The following RHOJ variants were observed in gnomAD, a reference collection of about 807,000 sequenced individuals.
The protein encoded by RHOJ is ras homolog family member J, also known as rho-related GTP-binding protein RhoJ.
RHOJ carries 11 observed loss-of-function variants against 23.4 expected under a neutral mutation model. The ratio of observed to expected loss-of-function variants is 0.47; its 90% CI spans 0.30 to 0.78. RHOJ has a LOEUF of 0.78. RHOJ is among the 30% of genes least tolerant of loss of function. RHOJ has a pLI of 0.08. For synonymous variants in RHOJ, 102 were observed against 102.7 expected (o/e 0.99, Z 0.04); for missense variants, 254 against 273.4 (o/e 0.93, Z 0.50).
chr14:63,226,251 A>G (rs1894592156), intron 1 of RHOJ, among the ~76,000 whole-genome samples: 1 of 152,126 alleles, frequency 6.6e-6, no homozygotes, highest in African/African-American at 2.4e-5. Flanking sequence ...TGACTGAGAA[A>G]AACATAATGA....
chr14:63,248,254 G>A (rs570565887), intron 1 of RHOJ, among the ~76,000 whole-genome samples: 2 of 152,172 alleles, frequency 1.3e-5, no homozygotes, highest in East Asian at 3.9e-4. Context: ...GCAAAATTTT[G>A]ATAATTTATG....
intron 1 of RHOJ, among the ~76,000 whole-genome samples, chr14:63,254,522 C>G (rs1895128589): frequency 1.3e-5 from 2 of 152,142 alleles, no homozygotes. Flanking sequence ...CGGTGCTGGG[C>G]CTTAGAGGCT....
At chr14:63,211,445 A>G (rs1002842164) in intron 1 of RHOJ, among the ~76,000 whole-genome samples, 2 of 152,210 alleles carry the variant, frequency 1.3e-5, no homozygotes, top group African/African-American at 4.8e-5. Context: ...AACCTGGGCA[A>G]CAGAGCAAGA....
chr14:63,236,058 GT>G (rs1894783688), intron 1 of RHOJ, among the ~76,000 whole-genome samples: 2 of 152,098 alleles, frequency 1.3e-5, no homozygotes, highest in Non-Finnish European at 2.9e-5. Context: ...TCATGAACAG[GT>G]TTTATTGTTT....
At chr14:63,282,095 T>C (rs1012563175) in intron 3 of RHOJ, among the ~76,000 whole-genome samples, 2 of 152,216 alleles carry the variant, frequency 1.3e-5, no homozygotes, top group Non-Finnish European at 2.9e-5. Flanking sequence ...GCTTCTGCTC[T>C]GAAAGATAAT....
intron 1 of RHOJ, among the ~76,000 whole-genome samples, chr14:63,225,654 A>T (rs927296853): frequency 6.6e-6 from 1 of 152,150 alleles, no homozygotes; most frequent in Non-Finnish European, 1.5e-5. Flanking sequence ...TAGGACACAG[A>T]CTCTAACGTA....
At chr14:63,261,282 A>T (rs1021775612) in intron 1 of RHOJ, among the ~76,000 whole-genome samples, 2 of 152,144 alleles carry the variant, frequency 1.3e-5, no homozygotes, top group Non-Finnish European at 2.9e-5. Flanking sequence ...TATCAAAGAT[A>T]TAATCTTCTT....
chr14:63,289,855 T>C (rs1882191965), intron 4 of RHOJ, among the ~76,000 whole-genome samples: 10 of 152,236 alleles, frequency 6.6e-5, no homozygotes. Context: ...TCTCTGGCAT[T>C]AAATGTCTTT....
At chr14:63,279,892 G>T (rs754404333) in intron 2 of RHOJ, among the ~76,000 whole-genome samples, 1 of 152,102 alleles carries the variant, frequency 6.6e-6, no homozygotes, top group Non-Finnish European at 1.5e-5. Flanking sequence ...GAGGATTCCT[G>T]TTGCCTTGGC....
chr14:63,285,727 C>T (rs2139667938), intron 4 of RHOJ, among the ~76,000 whole-genome samples: 1 of 152,254 alleles, frequency 6.6e-6, no homozygotes, highest in African/African-American at 2.4e-5. Context: ...ACATTTGTAA[C>T]TGCCCCTATT....
Position 63,228,143 on chromosome 14 carries a change from C to T in RHOJ, c.178+23096C>T, listed in dbSNP as rs551943417. On this transcript the variant is annotated intron_variant, in intron 1 of 4. Transcript: ENST00000316754. ...CACCCAGCACTGGAAGAATAACTTGCGGAGTTGATACAAGGTTTGATATGT... is the reference window on the plus strand; with the variant it reads ...CACCCAGCACTGGAAGAATAACTTGTGGAGTTGATACAAGGTTTGATATGT... Among the ~76,000 whole-genome samples the T allele has an allele frequency of 2.0e-4, 31 of 152,260 alleles. No homozygotes were observed. In the South Asian group the frequency reaches 2.5e-3, roughly 12 times the overall value.
chr14:63,259,435 T>C (rs915344162), intron 1 of RHOJ, among the ~76,000 whole-genome samples: 1 of 152,156 alleles, frequency 6.6e-6, no homozygotes, highest in African/African-American at 2.4e-5. Flanking sequence ...GCTTTGAAAC[T>C]CTCCTTAAGA....
chr14:63,271,488 T>C (rs1201364602), intron 2 of RHOJ, among the ~76,000 whole-genome samples: 1 of 152,256 alleles, frequency 6.6e-6, no homozygotes, highest in East Asian at 1.9e-4. Flanking sequence ...TGTGTCAGAA[T>C]CACCTGTAGG....
At chr14:63,264,068 A>G (rs1895322087) in intron 1 of RHOJ, among the ~76,000 whole-genome samples, 1 of 151,576 alleles carries the variant, frequency 6.6e-6, no homozygotes, top group African/African-American at 2.4e-5. Context: ...AATGACACTG[A>G]GGTTTGGGGT....
chr14:63,277,764 G>A (rs1881774964), intron 2 of RHOJ, among the ~76,000 whole-genome samples: 1 of 152,192 alleles, frequency 6.6e-6, no homozygotes, highest in African/African-American at 2.4e-5. Context: ...GTGGTGAACA[G>A]CTGTAGATTA....
intron 2 of RHOJ, among the ~76,000 whole-genome samples, chr14:63,274,335 G>C (rs1253270960): frequency 6.6e-6 from 1 of 152,164 alleles, no homozygotes; most frequent in Non-Finnish European, 1.5e-5. Flanking sequence ...TTCAGGAGTA[G>C]GCAATTTGGG....
At chr14:63,284,358 C>T (rs1232086145) in intron 4 of RHOJ, 3 of 985,036 alleles carry the variant, frequency 3.0e-6, no homozygotes, top group Non-Finnish European at 3.6e-6. Context: ...TACTAACTAG[C>T]GCCAGACGTC....
At chr14:63,253,796 G>A (rs17824486) in intron 1 of RHOJ, among the ~76,000 whole-genome samples, 4 of 152,154 alleles carry the variant, frequency 2.6e-5, no homozygotes, top group African/African-American at 9.7e-5. Flanking sequence ...ACTGGTAGAG[G>A]GTCAACCAAT....
chr14:63,290,306 G>A (rs1022153117), intron 4 of RHOJ, among the ~76,000 whole-genome samples: 15 of 152,036 alleles, frequency 9.9e-5, no homozygotes, highest in Non-Finnish European at 5.9e-5. Context: ...CCTTGTTGAG[G>A]GATACCTTAA....
Sources: gnomAD v4.1 joint callset for allele counts (sites outside exome capture counted in the v4.1 genomes callset) on GRCh38, gnomAD v4.1.1 for gene constraint, MANE v1.5 for transcripts, NCBI Gene and HGNC (gene_info 2026-07-23, HGNC 2026-07-21) for gene names.